GARNL3: variants seen among roughly 807,000 people sequenced by gnomAD.
GARNL3 encodes GTPase activating Rap/RanGAP domain like 3.
A neutral mutation model predicts 125.0 loss-of-function variants in GARNL3; 63 were observed. The observed-to-expected ratio is 0.50, with a 90% CI of 0.41 to 0.62. The LOEUF is 0.62. Among genes scored for constraint, GARNL3 ranks in the 20% least tolerant of loss-of-function variants. The probability of loss-of-function intolerance (pLI) is 0.00; values close to 1 mark genes in which losing one functional copy is unlikely to be tolerated. For synonymous variants in GARNL3, 439 were observed against 457.5 expected (o/e 0.96, Z 0.52); for missense variants, 994 against 1,244.0 (o/e 0.80, Z 3.02).
intron 8 of GARNL3, among the ~76,000 whole-genome samples, chr9:127,332,778 T>C (rs1451037330): frequency 1.3e-5 from 2 of 152,208 alleles, no homozygotes; most frequent in Non-Finnish European, 2.9e-5. Flanking sequence ...AGTAAACACC[T>C]GTGGTCCCAG....
intron 7 of GARNL3, among the ~76,000 whole-genome samples, chr9:127,328,068 C>G (rs2065629219): frequency 6.6e-6 from 1 of 152,178 alleles, no homozygotes; most frequent in Admixed American, 6.5e-5. Flanking sequence ...TGAACACTTA[C>G]TTCCCCTGCC....
chr9:127,322,285 C>T (rs1394879590), intron 6 of GARNL3, among the ~76,000 whole-genome samples: 1 of 152,044 alleles, frequency 6.6e-6, no homozygotes, highest in African/African-American at 2.4e-5. Context: ...CACGGAGCCC[C>T]AAAACCCACA....
intron 1 of GARNL3, chr9:127,225,376 G>T (rs1032636335): frequency 1.0e-6 from 1 of 984,708 alleles, no homozygotes; most frequent in East Asian, 1.1e-4. Context: ...GCGCTGCGGC[G>T]CAGGGGGTGC....
chr9:127,357,931 G>A (rs1830775342), intron 21 of GARNL3, among the ~76,000 whole-genome samples: 1 of 152,158 alleles, frequency 6.6e-6, no homozygotes, highest in Admixed American at 6.5e-5. Flanking sequence ...GGGACTGGGT[G>A]TTTGGGGTGG....
At chr9:127,350,776 A>C (rs1379608775) in intron 17 of GARNL3, among the ~76,000 whole-genome samples, 1 of 142,612 alleles carries the variant, frequency 7.0e-6, no homozygotes, top group Non-Finnish European at 1.5e-5. Context: ...ACTCCATCTC[A>C]AAAAAAAAAA....
intron 16 of GARNL3, among the ~76,000 whole-genome samples, chr9:127,346,543 T>C (rs575646081): frequency 6.6e-6 from 1 of 152,342 alleles, no homozygotes; most frequent in South Asian, 2.1e-4. Context: ...AAGTACGTTA[T>C]AGATACCAGA....
At chr9:127,225,580 G>T (rs1282178504) in intron 1 of GARNL3, among the ~76,000 whole-genome samples, 5 of 151,780 alleles carry the variant, frequency 3.3e-5, no homozygotes, top group African/African-American at 4.8e-5. Context: ...CCGGGCCGTC[G>T]CGCGGGAGGT....
chr9:127,339,007 G>C (rs754618088), intron 12 of GARNL3, among the ~76,000 whole-genome samples: 1 of 152,182 alleles, frequency 6.6e-6, no homozygotes, highest in African/African-American at 2.4e-5. Flanking sequence ...AGAAAAAGAG[G>C]TTTAATTGGG....
At chr9:127,341,797 T>C (rs1470119734) in intron 13 of GARNL3, among the ~76,000 whole-genome samples, 2 of 152,132 alleles carry the variant, frequency 1.3e-5, no homozygotes, top group African/African-American at 4.8e-5. Flanking sequence ...CTGGGTTGAT[T>C]TGACATTGAA....
Position 127,354,343 on chromosome 9 carries a change from C to G in GARNL3, c.1692C>G (p.Gly564=), listed in dbSNP as rs1188370023. ...FVFRLSALQK[G]LEGKQAGKSR... ...TCAGGCTAAGTGCTCTGCAAAAGGG[C>G]CTTGAGGGGAAGCAGGCTGGGAAGA... is the stretch of plus-strand genomic sequence containing the variant. The change falls in exon 19 of 28, where the codon GGC becomes GGG. Residue 564 remains glycine, a synonymous_variant. Coordinates refer to ENST00000373387, the MANE Select transcript of GARNL3 (RefSeq NM_032293.5). 6.2e-7 allele frequency: 1 copy of G among 1,613,876 alleles called. No homozygotes were observed. The highest frequency in any genetic ancestry group is 8.5e-7 in the Non-Finnish European group (1 of 1,179,888).
chr9:127,299,307 C>CAA (rs774997294), intron 2 of GARNL3, among the ~76,000 whole-genome samples: 12 of 22,478 alleles, frequency 5.3e-4, no homozygotes, highest in South Asian at 1.2e-3. Context: ...GACTCCGTCT[C>CAA]AAAAAAAAAA....
chr9:127,374,891 C>T (rs964248300), intron 22 of GARNL3, among the ~76,000 whole-genome samples: 2 of 133,426 alleles, frequency 1.5e-5, no homozygotes, highest in African/African-American at 2.9e-5. Flanking sequence ...TGGGCAGTAT[C>T]ATGAGACTCC....
intron 1 of GARNL3, among the ~76,000 whole-genome samples, chr9:127,237,105 C>G (rs1478425564): frequency 6.6e-6 from 1 of 152,198 alleles, no homozygotes; most frequent in Non-Finnish European, 1.5e-5. Context: ...GGCTGGAGAG[C>G]CGACTGCTGT....
intron 1 of GARNL3, among the ~76,000 whole-genome samples, chr9:127,238,709 T>C (rs1199031097): frequency 6.6e-6 from 1 of 152,174 alleles, no homozygotes; most frequent in Non-Finnish European, 1.5e-5. Context: ...TATTGCAGTA[T>C]TGGACGTTTT....
At chr9:127,306,302 G>A (rs2064950603) in intron 2 of GARNL3, among the ~76,000 whole-genome samples, 1 of 152,132 alleles carries the variant, frequency 6.6e-6, no homozygotes, top group African/African-American at 2.4e-5. Flanking sequence ...CATTAAATAG[G>A]CCAGATGTAG....
chr9:127,281,476 G>A (rs993331372), intron 1 of GARNL3, among the ~76,000 whole-genome samples: 1 of 152,150 alleles, frequency 6.6e-6, no homozygotes, highest in African/African-American at 2.4e-5. Context: ...CCTGCCACCT[G>A]GTTGGTTCTA....
chr9:127,353,779 A>G, intron 17 of GARNL3, 67 bp from the exon 18 acceptor site: 1 of 1,035,986 alleles, frequency 9.7e-7, no homozygotes, highest in South Asian at 1.3e-5. Flanking sequence ...ACCCACAGGC[A>G]CGTTTGGTGG....
rs1832912121 is a variant in GARNL3, at chr9:127,392,330, A to C, written c.2871-753A>C. On this transcript the variant is annotated intron_variant, in intron 27 of 27. Transcript: ENST00000373387. This position sits in a 1 kb window ranked among gnomAD's most constrained non-coding sequence, Gnocchi z 5.2. ...TGAGAAGAAGTGACGGGGCTGGCAC[A>C]TAGAAGGTCTACTCTGAGAGAGGGG... Among the ~76,000 whole-genome samples, 1 of 152,266 alleles carries C rather than the reference A, an allele frequency of 6.6e-6. No individual in the cohort carries two copies. Among genetic ancestry groups the C allele is most frequent in the African/African-American group, 2.4e-5 (1 of 41,472 alleles).
intron 1 of GARNL3, chr9:127,225,286 C>G (rs2062885719): frequency 1.0e-6 from 1 of 958,604 alleles, no homozygotes; most frequent in Non-Finnish European, 1.2e-6. Context: ...CGAGTGCGCC[C>G]GAGCCCGCGG....
Sources: allele counts gnomAD v4.1 joint callset (sites outside exome capture counted in the v4.1 genomes callset), GRCh38; gene constraint gnomAD v4.1.1; non-coding constraint Gnocchi (gnomAD v3.1); transcripts MANE v1.5; gene names NCBI Gene and HGNC (gene_info 2026-07-23, HGNC 2026-07-21).